The following TMEM50B variants were observed in gnomAD, a reference collection of about 807,000 sequenced individuals.
TMEM50B encodes the protein HCV p7-trans-regulated protein 3.
Under a neutral mutation model 23.4 loss-of-function variants are expected in TMEM50B, and 14 were observed. The ratio of observed to expected loss-of-function variants is 0.60; its 90% CI spans 0.39 to 0.93. The LOEUF (loss-of-function observed/expected upper bound fraction) is 0.93. Among genes scored for constraint, TMEM50B ranks in the 40% least tolerant of loss-of-function variants. The pLI, the probability that TMEM50B is intolerant of heterozygous loss-of-function variation, is 0.00. For missense variants in TMEM50B, 159 were observed against 193.0 expected, an observed-to-expected ratio of 0.82 and a Z score of 1.04; for synonymous variants, 64 against 62.3, an observed-to-expected ratio of 1.03 and a Z score of -0.13.
At chr21:33,434,101 G>A (rs2083919091) in intron 8 of TMEM50B, among the ~76,000 whole-genome samples, 1 of 152,208 alleles carries the variant, frequency 6.6e-6, no homozygotes, top group Non-Finnish European at 1.5e-5. Context: ...AGTAGCGTGG[G>A]TCTTGTGGAA....
At chr21:33,470,707 C>A (rs13047446) in intron 1 of TMEM50B, among the ~76,000 whole-genome samples, 62,665 of 151,844 alleles carry the variant, frequency 0.41, 14,975 homozygotes, top group Non-Finnish European at 0.54. Context: ...GCCTGGGCAA[C>A]AGAGAAAGAC....
chr21:33,477,507 T>A (rs1044003547), intron 1 of TMEM50B, among the ~76,000 whole-genome samples: 1 of 152,156 alleles, frequency 6.6e-6, no homozygotes, highest in African/African-American at 2.4e-5. Context: ...CATGTTTAAA[T>A]GTTTTAAACA....
At chr21:33,477,764 T>C (rs1351106827) in intron 1 of TMEM50B, among the ~76,000 whole-genome samples, 1 of 150,336 alleles carries the variant, frequency 6.7e-6, no homozygotes, top group African/African-American at 2.4e-5. Flanking sequence ...TGAGCCACGA[T>C]AGCGCCATTG....
chr21:33,464,198 ATT>A (rs34153471), intron 4 of TMEM50B, among the ~76,000 whole-genome samples: 6 of 140,350 alleles, frequency 4.3e-5, no homozygotes, highest in Admixed American at 7.2e-5. Flanking sequence ...TATAATGTAA[ATT>A]TTTTTTTTTT....
chr21:33,445,387 C>CA (rs991465307), downstream of TMEM50B, among the ~76,000 whole-genome samples: 1 of 152,222 alleles, frequency 6.6e-6, no homozygotes. Context: ...AAAAGTGCTA[C>CA]AAAAAAATGC....
intron 1 of TMEM50B, among the ~76,000 whole-genome samples, chr21:33,477,597 G>A (rs562733629): frequency 1.1e-4 from 8 of 73,410 alleles, no homozygotes; most frequent in Non-Finnish European, 4.7e-5. Context: ...AGCACTTTGG[G>A]AGGCCGAGGC....
intron 6 of TMEM50B, among the ~76,000 whole-genome samples, chr21:33,454,128 A>T (rs35257581): frequency 0.18 from 26,723 of 148,214 alleles, 2,997 homozygotes; most frequent in Non-Finnish European, 0.24. Flanking sequence ...AAAGACATTC[A>T]TTCTAAAAAG....
chr21:33,454,799 G>A (rs1184940052), intron 6 of TMEM50B, among the ~76,000 whole-genome samples: 4 of 152,066 alleles, frequency 2.6e-5, no homozygotes, highest in African/African-American at 7.2e-5. Context: ...GCATCCTAAA[G>A]CAAGCCCTAA....
chr21:33,432,717 C>T (rs1417785116), exon 9 of TMEM50B: 2 of 1,614,120 alleles, frequency 1.2e-6, no homozygotes, highest in South Asian at 2.2e-5. Context: ...TTTTTAGCCT[C>T]CACTGAGCTT....
At chr21:33,464,058 G>A (rs994097327) in intron 4 of TMEM50B, among the ~76,000 whole-genome samples, 3 of 152,182 alleles carry the variant, frequency 2.0e-5, no homozygotes, top group African/African-American at 7.2e-5. Flanking sequence ...TGGGAAACAA[G>A]CACAGCATAG....
In TMEM50B at chr21:33,450,207, CTTT is replaced by C. The variant is rs869190506; in HGVS notation, c.*608_*610del. 1.4e-5 allele frequency: 2 copies of C among 142,748 alleles called. No homozygotes were observed. The highest frequency in any genetic ancestry group is 3.0e-5 in the Non-Finnish European group (2 of 65,930). The allele number at this position is 142,748 out of a possible 1,614,324, so 8.8% of individuals were successfully genotyped here. ...AAATCAGATACTGAGAGTGGTCCTT[CTTT>C]TTTTTGAGAGGGAGTTTCACTTTCT... On this transcript the variant is annotated 3_prime_UTR_variant, in exon 7 of 7. Coordinates refer to ENST00000542230, the MANE Select transcript of TMEM50B (RefSeq NM_006134.7).
At chr21:33,473,923 C>T (rs2084342433) in intron 1 of TMEM50B, among the ~76,000 whole-genome samples, 1 of 152,124 alleles carries the variant, frequency 6.6e-6, no homozygotes, top group African/African-American at 2.4e-5. Flanking sequence ...AAGTAAAAGA[C>T]AGAAGACCAT....
chr21:33,468,759 A>T (rs753436838), intron 2 of TMEM50B, 28 bp downstream of exon 2: 19 of 1,580,778 alleles, frequency 1.2e-5, no homozygotes, highest in Middle Eastern at 1.7e-4. Context: ...TAAGGGATAC[A>T]TGTCACCAAC....
chr21:33,454,680 CG>C (rs2123423420), intron 6 of TMEM50B, among the ~76,000 whole-genome samples: 1 of 151,316 alleles, frequency 6.6e-6, no homozygotes, highest in South Asian at 2.1e-4. Flanking sequence ...TTTTTTTTCC[CG>C]AAAGGCTAGT....
chr21:33,436,985 C>A, intron 8 of TMEM50B: 10 of 1,613,266 alleles, frequency 6.2e-6, no homozygotes, highest in Non-Finnish European at 8.5e-6. Context: ...GCCTAGCCCA[C>A]TGGCTCCCTG....
chr21:33,468,952 T>G, intron 1 of TMEM50B, 26 bp from the exon 2 acceptor site: 1 of 1,234,674 alleles, frequency 8.1e-7, no homozygotes, highest in Non-Finnish European at 1.2e-6. Context: ...CAAAAACTAA[T>G]CAACCTAAGA....
intron 1 of TMEM50B, among the ~76,000 whole-genome samples, chr21:33,474,319 G>GCAC (rs2084346198): frequency 1.3e-5 from 2 of 152,058 alleles, no homozygotes; most frequent in South Asian, 4.2e-4. Context: ...TTACAGGTGT[G>GCAC]CACCACCATT....
chr21:33,432,684 A>C (rs772797835), exon 9 of TMEM50B: 2 of 1,611,700 alleles, frequency 1.2e-6, no homozygotes, highest in Non-Finnish European at 1.7e-6. Flanking sequence ...TAGGAAGATC[A>C]TTCTGTTCAC....
intron 1 of TMEM50B, among the ~76,000 whole-genome samples, chr21:33,469,189 C>T (rs1983996599): frequency 6.6e-6 from 1 of 152,118 alleles, no homozygotes; most frequent in Non-Finnish European, 1.5e-5. Context: ...GTGGTTCACG[C>T]CTGTAATTCC....
Sources: gnomAD v4.1 joint callset for allele counts (sites outside exome capture counted in the v4.1 genomes callset) on GRCh38, gnomAD v4.1.1 for gene constraint, MANE v1.5 for transcripts, NCBI Gene and HGNC (gene_info 2026-07-23, HGNC 2026-07-21) for gene names.